Variants in STIM2 observed in about 807,000 individuals in gnomAD.
The protein encoded by STIM2 is stromal interaction molecule 2.
STIM2 carries 31 observed loss-of-function variants against 85.8 expected under a neutral mutation model. The observed-to-expected ratio is 0.36, with a 90% confidence interval of 0.27 to 0.49. STIM2 has a LOEUF of 0.49. STIM2 is among the 20% of genes least tolerant of loss of function. STIM2 has a pLI of 0.98. For missense variants in STIM2, 841 were observed against 927.6 expected (o/e 0.91, Z 1.21); for synonymous variants, 356 against 331.1 (o/e 1.08, Z -0.82).
chr4:26,979,278 T>G (rs186104654), intron 3 of STIM2, among the ~76,000 whole-genome samples: 39 of 152,166 alleles, frequency 2.6e-4, no homozygotes, highest in African/African-American at 9.4e-4. Context: ...GAAAAGTGAA[T>G]TTGAGGCAGC....
At chr4:26,985,562 T>G (rs1231648538) in intron 3 of STIM2, among the ~76,000 whole-genome samples, 1 of 152,222 alleles carries the variant, frequency 6.6e-6, no homozygotes, top group African/African-American at 2.4e-5. Context: ...TATATTTACT[T>G]TTATTAATAA....
At chr4:26,945,405 T>G (rs577798857) in intron 2 of STIM2, among the ~76,000 whole-genome samples, 1 of 152,342 alleles carries the variant, frequency 6.6e-6, no homozygotes, top group South Asian at 2.1e-4. Context: ...GCAGTGAACA[T>G]ACATATGCAT....
At chr4:26,881,942 C>T (rs369956102) in intron 1 of STIM2, among the ~76,000 whole-genome samples, 14 of 152,104 alleles carry the variant, frequency 9.2e-5, no homozygotes, top group Admixed American at 4.6e-4. Flanking sequence ...GTATATTTTA[C>T]GGTTTAAAAA....
Position 27,024,305 on chromosome 4 carries a change from T to C in STIM2, c.*1309T>C, listed in dbSNP as rs1184764732. On this transcript the variant is annotated 3_prime_UTR_variant, in exon 12 of 12. Coordinates refer to ENST00000467087, the MANE Select transcript of STIM2 (RefSeq NM_020860.4). ...AGTTCCATATAGCAACAAAGTATGTTAACATCTAGGGAGTTTCTGCTTATA... is the reference window on the plus strand; with the variant it reads ...AGTTCCATATAGCAACAAAGTATGTCAACATCTAGGGAGTTTCTGCTTATA... 6.6e-6 allele frequency: 1 copy of C among 152,208 alleles called. No homozygotes were observed. The highest frequency in any genetic ancestry group is 1.5e-5 in the Non-Finnish European group (1 of 68,020). 9.4% of individuals were successfully genotyped at this position (152,208 alleles called of 1,614,324 possible).
At chr4:26,960,607 A>T (rs1726414599) in intron 3 of STIM2, among the ~76,000 whole-genome samples, 2 of 152,212 alleles carry the variant, frequency 1.3e-5, no homozygotes, top group Non-Finnish European at 2.9e-5. Flanking sequence ...AAATGTTTTG[A>T]GTACAGGCAT....
chr4:26,887,183 C>CT (rs34736602), intron 1 of STIM2, among the ~76,000 whole-genome samples: 15,415 of 71,250 alleles, frequency 0.22, 2,437 homozygotes, highest in Non-Finnish European at 0.29. Flanking sequence ...AATAATTAAA[C>CT]TTTTTTTTTT....
chr4:27,019,841 G>A (rs1338992276), intron 11 of STIM2, among the ~76,000 whole-genome samples: 1 of 152,116 alleles, frequency 6.6e-6, no homozygotes, highest in Non-Finnish European at 1.5e-5. Flanking sequence ...AGCATAAGTG[G>A]TACAGATAGT....
At chr4:26,959,835 A>T (rs995759970) in intron 3 of STIM2, among the ~76,000 whole-genome samples, 1 of 152,086 alleles carries the variant, frequency 6.6e-6, no homozygotes, top group Non-Finnish European at 1.5e-5. Context: ...CCTCAGTTCA[A>T]ACAGTTGGCC....
chr4:26,956,908 T>A (rs976400408), intron 2 of STIM2, among the ~76,000 whole-genome samples: 2 of 152,136 alleles, frequency 1.3e-5, no homozygotes, highest in Non-Finnish European at 2.9e-5. Context: ...GGCCTTGGTT[T>A]CTCATCTATT....
chr4:27,009,930 G>C (rs1373791401), intron 10 of STIM2, among the ~76,000 whole-genome samples: 1 of 152,172 alleles, frequency 6.6e-6, no homozygotes, highest in African/African-American at 2.4e-5. Context: ...TCTGAATTGT[G>C]CATGAAAGTG....
At chr4:26,884,380 G>A (rs1487896117) in intron 1 of STIM2, among the ~76,000 whole-genome samples, 1 of 152,218 alleles carries the variant, frequency 6.6e-6, no homozygotes, top group Admixed American at 6.5e-5. Flanking sequence ...ATAACTCTTA[G>A]AAAGCATTAG....
chr4:27,002,412 A>G lies in STIM2; in HGVS notation c.803+18A>G, dbSNP rs773669666. 7.6e-6 allele frequency: 12 copies of G among 1,575,516 alleles called. No homozygotes were observed. The Admixed American group carries it at 1.5e-4, about 20-fold the overall frequency. On this transcript the variant is annotated intron_variant, in intron 6 of 11. Coordinates refer to ENST00000467087, the MANE Select transcript of STIM2 (RefSeq NM_020860.4). ...CAGGAGAGGTAAGTTCAGAAAAATC[A>G]TAACTCATTTATGTAGGCAAATACA... is the stretch of plus-strand genomic sequence containing the variant.
At chr4:27,020,606 T>C (rs1189964490) in intron 11 of STIM2, among the ~76,000 whole-genome samples, 1 of 152,176 alleles carries the variant, frequency 6.6e-6, no homozygotes, top group East Asian at 1.9e-4. Flanking sequence ...TAGAAATGAC[T>C]AAATTCAGCA....
At chr4:26,949,679 G>T (rs1725972365) in intron 2 of STIM2, among the ~76,000 whole-genome samples, 2 of 151,954 alleles carry the variant, frequency 1.3e-5, no homozygotes, top group African/African-American at 4.8e-5. Flanking sequence ...CTTACTTCAG[G>T]GTCTTTATGG....
intron 1 of STIM2, among the ~76,000 whole-genome samples, chr4:26,873,262 G>A (rs917709002): frequency 6.6e-6 from 1 of 152,166 alleles, no homozygotes; most frequent in Non-Finnish European, 1.5e-5. Context: ...AGCCAGGCAT[G>A]ATGGTGAGTG....
intron 2 of STIM2, among the ~76,000 whole-genome samples, chr4:26,920,069 G>A (rs1260666604): frequency 2.6e-5 from 4 of 152,090 alleles, no homozygotes; most frequent in Non-Finnish European, 5.9e-5. Flanking sequence ...ATTCTCTTGG[G>A]AGCTCTGTTG....
intron 1 of STIM2, among the ~76,000 whole-genome samples, chr4:26,906,601 G>T (rs572887027): frequency 4.6e-5 from 7 of 152,006 alleles, no homozygotes; most frequent in African/African-American, 1.7e-4. Context: ...TAAATTTGAG[G>T]GCTAATGAAT....
intron 2 of STIM2, among the ~76,000 whole-genome samples, chr4:26,923,531 A>C (rs1724892470): frequency 6.9e-6 from 1 of 144,980 alleles, no homozygotes; most frequent in Non-Finnish European, 1.5e-5. Context: ...AGGAAGCGCT[A>C]AACATGGAAA....
chr4:26,948,571 A>AG (rs1216295218), intron 2 of STIM2, among the ~76,000 whole-genome samples: 1 of 152,188 alleles, frequency 6.6e-6, no homozygotes, highest in Admixed American at 6.5e-5. Context: ...AGACCAGCCT[A>AG]GGCAACATAG....
Sources: allele counts gnomAD v4.1 joint callset (sites outside exome capture counted in the v4.1 genomes callset), GRCh38; gene constraint gnomAD v4.1.1; transcripts MANE v1.5; gene names NCBI Gene and HGNC (gene_info 2026-07-23, HGNC 2026-07-21).